DAB2IP: variants seen among roughly 807,000 people sequenced by gnomAD.
The protein encoded by DAB2IP is disabled homolog 2-interacting protein.
A neutral mutation model predicts 107.2 loss-of-function variants in DAB2IP; 28 were observed. The observed-to-expected ratio is 0.26, with a 90% confidence interval of 0.19 to 0.36. The LOEUF is 0.36. Among genes scored for constraint, DAB2IP ranks in the 10% least tolerant of loss-of-function variants. The probability of loss-of-function intolerance (pLI) is 1.00; values close to 1 mark genes in which losing one functional copy is unlikely to be tolerated. For missense variants in DAB2IP, 1,400 were observed against 1,644.7 expected (o/e 0.85, Z 2.57); for synonymous variants, 755 against 706.4 (o/e 1.07, Z -1.09).
At chr9:121,617,169 A>C (rs1193423346) in intron 1 of DAB2IP, among the ~76,000 whole-genome samples, 2 of 152,142 alleles carry the variant, frequency 1.3e-5, no homozygotes, top group Non-Finnish European at 2.9e-5. Context: ...TACTAAAAGT[A>C]CAAAAATTAG....
chr9:121,628,167 G>A (rs1472974120), intron 1 of DAB2IP, among the ~76,000 whole-genome samples: 6 of 152,262 alleles, frequency 3.9e-5, no homozygotes, highest in Non-Finnish European at 7.3e-5. Context: ...CCATGTGGGT[G>A]CAGTGAATCT....
Position 121,677,056 on chromosome 9 carries a change from G to A in DAB2IP, c.125-1622G>A. On this transcript the variant is annotated intron_variant, in intron 1 of 15. Coordinates refer to ENST00000408936, the Ensembl canonical transcript of DAB2IP. ...GATTATCAGCCTCTCTTGAACCATG[G>A]CAGCTATGGCTGCCCTGAGCCCCTC... Among the ~76,000 whole-genome samples the A allele has an allele frequency of 1.3e-5, 2 of 152,210 alleles. 1 individual carries two copies. The highest frequency in any genetic ancestry group is 3.9e-4 in the East Asian group (2 of 5,194).
intron 3 of DAB2IP, among the ~76,000 whole-genome samples, chr9:121,706,263 G>A (rs1830054220): frequency 6.6e-6 from 1 of 152,180 alleles, no homozygotes; most frequent in South Asian, 2.1e-4. Context: ...ACCAACCTCA[G>A]AGCAGCCGGG....
intron 2 of DAB2IP, among the ~76,000 whole-genome samples, chr9:121,693,138 A>G (rs572565079): frequency 6.6e-5 from 10 of 152,324 alleles, no homozygotes; most frequent in African/African-American, 2.2e-4. Context: ...GATGCTGAAG[A>G]TGCAAAGAGC....
rs779150509 is a variant in DAB2IP, at chr9:121,772,875, G to C, written c.2347G>C (p.Ala783Pro). The C allele has an allele frequency of 1.0e-5, 16 of 1,582,898 alleles. No individual in the cohort carries two copies. The highest frequency in any genetic ancestry group is 1.4e-5 in the Non-Finnish European group (16 of 1,167,526). ...GCAGGCCGCTGCAGCTCAGCTGGTGGCCGGGTGGCCGGCCCGGGCAACCCC... is the reference window on the plus strand; with the variant it reads ...GCAGGCCGCTGCAGCTCAGCTGGTGCCCGGGTGGCCGGCCCGGGCAACCCC... The change falls in exon 12 of 16, where the codon GCC becomes CCC. Residue 783 changes from alanine to proline, a missense_variant. Around this residue, in one of 3 missense-constraint regions of DAB2IP, gnomAD observed 600 missense variants for 659.1 expected, o/e 0.91. Coordinates refer to ENST00000408936, the Ensembl canonical transcript of DAB2IP. This position sits in a 1 kb window ranked among gnomAD's most constrained non-coding sequence, Gnocchi z 4.7.
chr9:121,731,637 TGGCCTCACG>T (rs1240890410), intron 3 of DAB2IP, among the ~76,000 whole-genome samples: 1 of 151,932 alleles, frequency 6.6e-6, no homozygotes, highest in Non-Finnish European at 1.5e-5. Flanking sequence ...TGGACTGCTC[TGGCCTCACG>T]GTCATCTCAG....
intron 3 of DAB2IP, among the ~76,000 whole-genome samples, chr9:121,718,764 G>A (rs1830755528): frequency 6.6e-6 from 1 of 152,224 alleles, no homozygotes; most frequent in Admixed American, 6.5e-5. Flanking sequence ...ATTGTGTCAT[G>A]GAGTTCCCCG....
intron 3 of DAB2IP, among the ~76,000 whole-genome samples, chr9:121,720,908 C>A (rs1325547298): frequency 6.6e-6 from 1 of 152,146 alleles, no homozygotes; most frequent in Non-Finnish European, 1.5e-5. Context: ...GCCACTCTGA[C>A]CTTGAAAACC....
In DAB2IP at chr9:121,699,422, T is replaced by C. The variant is rs773432947; in HGVS notation, c.326T>C (p.Phe109Ser). The change falls in exon 3 of 16, where the codon TTC (phenylalanine) becomes TCC (serine). Residue 109 changes from phenylalanine to serine, a missense_variant. Coordinates refer to ENST00000408936, the Ensembl canonical transcript of DAB2IP. This position sits in a 1 kb window ranked among gnomAD's most constrained non-coding sequence, Gnocchi z 6.2. Reference sequence around the variant, plus strand: ...AGCTTCCGCCACATCCTGCCGGGGTTCCGGAGCGCCGCCGCCGCCGCCGCG... The same window carrying C: ...AGCTTCCGCCACATCCTGCCGGGGTCCCGGAGCGCCGCCGCCGCCGCCGCG... 4 of 1,459,792 alleles carry C rather than the reference T, an allele frequency of 2.7e-6. No individual in the cohort carries two copies. The highest frequency in any genetic ancestry group is 1.8e-6 in the Non-Finnish European group (2 of 1,095,590). 90.4% of individuals were successfully genotyped at this position (1,459,792 alleles called of 1,614,324 possible). A position where few individuals can be genotyped will look rare whatever the true frequency, so the allele number is the denominator to read the frequency against.
At chr9:121,770,564 G>A (rs1834646069) in exon 11 of DAB2IP, 2 of 1,613,860 alleles carry the variant, frequency 1.2e-6, no homozygotes, top group South Asian at 1.1e-5. Context: ...ATCCAAACTG[G>A]GACCCCTGCC....
chr9:121,597,927 C>A (rs892410391), intron 1 of DAB2IP, among the ~76,000 whole-genome samples: 1 of 152,234 alleles, frequency 6.6e-6, no homozygotes, highest in Non-Finnish European at 1.5e-5. Flanking sequence ...GTGCCAGCTT[C>A]TGGTGGGTGC....
intron 1 of DAB2IP, among the ~76,000 whole-genome samples, chr9:121,616,339 A>C (rs1831276205): frequency 6.6e-6 from 1 of 152,152 alleles, no homozygotes; most frequent in Non-Finnish European, 1.5e-5. Flanking sequence ...CAATTACCTG[A>C]CAGTGGGAAT....
chr9:121,772,751 C>T lies in DAB2IP; in HGVS notation c.2223C>T (p.Asn741=), dbSNP rs372674684. ...ACGAGCCTGATCTTCAGATGGCCAA[C>T]GGTGGCAAGAGCCTCTCCATGGTGG... Residue 741 remains asparagine (N), a synonymous_variant, in exon 12 of 16, where the codon AAC becomes AAT. Coordinates refer to ENST00000408936, the Ensembl canonical transcript of DAB2IP. The surrounding 1 kb of genome is among the most constrained non-coding windows in gnomAD (Gnocchi z 4.7). 8.1e-6 allele frequency: 13 copies of T among 1,613,928 alleles called. No individual in the cohort carries two copies. The highest frequency in any genetic ancestry group is 2.2e-5 in the South Asian group (2 of 91,082).
At chr9:121,567,134 G>T in exon 1 of DAB2IP, 6 of 1,611,254 alleles carry the variant, frequency 3.7e-6, no homozygotes, top group Non-Finnish European at 4.2e-6. Flanking sequence ...GACGCTCATG[G>T]AGACAGCCTC....
At chr9:121,624,789 A>C (rs1831584282) in intron 1 of DAB2IP, among the ~76,000 whole-genome samples, 1 of 152,218 alleles carries the variant, frequency 6.6e-6, no homozygotes, top group Non-Finnish European at 1.5e-5. Flanking sequence ...ACATATCTCC[A>C]TCATTATGTA....
At chr9:121,739,415 A>C (rs893453556) in intron 3 of DAB2IP, among the ~76,000 whole-genome samples, 8 of 152,320 alleles carry the variant, frequency 5.3e-5, no homozygotes, top group Admixed American at 5.2e-4. Flanking sequence ...GTGGGGAGTA[A>C]TTGAAGGCTT....
rs1829613124 is a variant in DAB2IP, at chr9:121,699,213, C to T, written c.229-112C>T. The T allele has an allele frequency of 3.0e-6, 3 of 991,642 alleles. No individual in the cohort carries two copies. Among genetic ancestry groups the T allele is most frequent in the Admixed American group, 6.2e-5 (1 of 16,066 alleles). The allele number at this position is 991,642 out of a possible 1,614,324, so 61.4% of individuals were successfully genotyped here. A position where few individuals can be genotyped will look rare whatever the true frequency, so the allele number is the denominator to read the frequency against. On this transcript the variant is annotated intron_variant, in intron 2 of 15. Coordinates refer to ENST00000408936, the Ensembl canonical transcript of DAB2IP. The surrounding 1 kb of genome is among the most constrained non-coding windows in gnomAD (Gnocchi z 6.2). The stretch of plus-strand genomic sequence containing the variant: ...GCTGGGGCCGAGCCCGAGCCCGGCC[C>T]GCCCTCGGCCGCGCGGCCGCCCAGC...
At chr9:121,700,303 C>A (rs925330709) in intron 3 of DAB2IP, among the ~76,000 whole-genome samples, 20 of 152,076 alleles carry the variant, frequency 1.3e-4, no homozygotes, top group African/African-American at 4.6e-4. Flanking sequence ...CAAGGGCAAG[C>A]CATCCTGTCC....
Position 121,760,088 on chromosome 9 carries a change from C to G in DAB2IP, c.819C>G (p.Val273=), listed in dbSNP as rs149894049. The G allele has an allele frequency of 1.1e-4, 173 of 1,614,046 alleles. No homozygotes were observed. The African/African-American group carries it at 2.1e-3, about 20-fold the overall frequency. The change falls in exon 6 of 16, where the codon GTC becomes GTG. Residue 273 remains valine (V), a synonymous_variant. Transcript: ENST00000408936. The surrounding 1 kb of genome is among the most constrained non-coding windows in gnomAD (Gnocchi z 5.9). ...TGCCGCCTCTGCGCACGGTCACTGT[C>G]CACCTGTACCGGGAGACCGACAAGA...
Sources: gnomAD v4.1 joint callset for allele counts (sites outside exome capture counted in the v4.1 genomes callset) on GRCh38, gnomAD v4.1.1 for gene constraint, gnomAD v4.1.1 regional missense constraint, Gnocchi (gnomAD v3.1) non-coding constraint, MANE v1.5 for transcripts, NCBI Gene and HGNC (gene_info 2026-07-23, HGNC 2026-07-21) for gene names.